The following OSBPL9 variants were observed in gnomAD, a reference collection of about 807,000 sequenced individuals.
OSBPL9 encodes oxysterol-binding protein-related protein 9.
Under a neutral mutation model 106.6 loss-of-function variants are expected in OSBPL9, and 40 were observed. The ratio of observed to expected loss-of-function variants is 0.38; its 90% CI spans 0.29 to 0.49. The LOEUF (loss-of-function observed/expected upper bound fraction) is 0.49. Ranked by LOEUF, OSBPL9 falls within the 20% of genes least tolerant of loss-of-function variation. The pLI is 0.97. For synonymous variants in OSBPL9, 269 were observed against 295.4 expected, an observed-to-expected ratio of 0.91 and a Z score of 0.92; for missense variants, 609 against 887.2, an observed-to-expected ratio of 0.69 and a Z score of 3.98.
In OSBPL9 at chr1:51,675,653, G is replaced by C. The variant is rs1651008524; in HGVS notation, c.241+6141G>C. Reference sequence around the variant, plus strand: ...GATCAGAGAGTTTAGGATGAAAGCTGTTAGCTTCAACCACATGAAATTACT... The same window carrying C: ...GATCAGAGAGTTTAGGATGAAAGCTCTTAGCTTCAACCACATGAAATTACT... On this transcript the variant is annotated intron_variant, in intron 3 of 23. Coordinates refer to ENST00000428468, the MANE Select transcript of OSBPL9 (RefSeq NM_024586.6). Among the ~76,000 whole-genome samples the C allele has an allele frequency of 2.0e-5, 3 of 152,230 alleles. 1 individual carries two copies. In the Middle Eastern group the frequency reaches 0.01, roughly 521 times the overall value.
chr1:51,591,797 C>G lies in OSBPL9; in HGVS notation c.-422-6327C>G, dbSNP rs1362267346. 4.2e-5 allele frequency among the ~76,000 whole-genome samples: 6 copies of G among 142,628 alleles called. No homozygotes were observed. The South Asian group carries it at 1.1e-3, about 26-fold the overall frequency. 93.6% of individuals were successfully genotyped at this position (142,628 alleles called of 152,430 possible). A position where few individuals can be genotyped will look rare whatever the true frequency, so the allele number is the denominator to read the frequency against. ...ACAGAGCAAGACTGAAAGAAAGAGA[C>G]AGAGAGAGAGAGAAAAAAAAGAGAA... On this transcript the variant is annotated intron_variant, in intron 1 of 25. Transcript: ENST00000371714.
At chr1:51,776,168 G>T in intron 14 of OSBPL9, among the ~76,000 whole-genome samples, 1 of 151,172 alleles carries the variant, frequency 6.6e-6, no homozygotes, top group Non-Finnish European at 1.5e-5. Context: ...TCTTCTTTTT[G>T]TTTATTCCTT....
chr1:51,661,228 C>T (rs1647128703), intron 2 of OSBPL9, among the ~76,000 whole-genome samples: 1 of 152,172 alleles, frequency 6.6e-6, no homozygotes, highest in African/African-American at 2.4e-5. Flanking sequence ...ATCTATGTCT[C>T]AGAGGAGTCA....
chr1:51,590,609 G>C, intron 1 of OSBPL9, among the ~76,000 whole-genome samples: 1 of 126,454 alleles, frequency 7.9e-6, no homozygotes, highest in South Asian at 2.5e-4. Context: ...GACAGAGTGA[G>C]ACTCCGTCTC....
intron 9 of OSBPL9, chr1:51,756,654 C>G (rs1670400387): frequency 1.1e-5 from 3 of 280,044 alleles, no homozygotes; most frequent in South Asian, 8.0e-5. Flanking sequence ...ATGCATAACT[C>G]AGTGCCACAT....
In OSBPL9 at chr1:51,592,108, C is replaced by CTTTTTTTT. The variant is rs34379031; in HGVS notation, c.-422-5999_-422-5992dup. On this transcript the variant is annotated intron_variant, in intron 1 of 25. Transcript: ENST00000371714. The stretch of plus-strand genomic sequence containing the variant: ...CCTCAACGATTACTTGTTGCTAAGG[C>CTTTTTTTT]TTTTTTTTTTTTTTTTTTTTTTTTG... 2.3e-4 allele frequency among the ~76,000 whole-genome samples: 18 copies of CTTTTTTTT among 77,002 alleles called. 1 individual carries two copies. In the East Asian group the frequency reaches 2.7e-3, roughly 12 times the overall value. The allele number at this position is 77,002 out of a possible 152,430, so 50.5% of individuals were successfully genotyped here.
the OSBPL9 span, among the ~76,000 whole-genome samples, chr1:51,551,109 C>A: frequency 6.6e-6 from 1 of 152,078 alleles, no homozygotes; most frequent in African/African-American, 2.4e-5. Flanking sequence ...GCAAAGGGAG[C>A]GGGATGGAAA....
At chr1:51,743,998 A>G (rs929759469) in intron 4 of OSBPL9, among the ~76,000 whole-genome samples, 4 of 151,924 alleles carry the variant, frequency 2.6e-5, no homozygotes, top group African/African-American at 9.7e-5. Flanking sequence ...TTGTTTTTGT[A>G]CATGTCATCT....
intron 1 of OSBPL9, among the ~76,000 whole-genome samples, chr1:51,587,896 C>T (rs1294258441): frequency 6.6e-6 from 1 of 152,236 alleles, no homozygotes; most frequent in African/African-American, 2.4e-5. Flanking sequence ...GTCAAATGGT[C>T]TTCCTAACTG....
the OSBPL9 span, chr1:51,567,907 C>T: frequency 6.6e-6 from 1 of 152,208 alleles, no homozygotes; most frequent in Non-Finnish European, 1.5e-5. Context: ...GGTCTAAGGC[C>T]AAGACCCAAG....
At chr1:51,535,878 T>C in the OSBPL9 span, among the ~76,000 whole-genome samples, 1 of 152,150 alleles carries the variant, frequency 6.6e-6, no homozygotes, top group East Asian at 1.9e-4. Context: ...TACACTTTAT[T>C]TTTTAACTTT....
chr1:51,643,349 A>G (rs535556888), intron 1 of OSBPL9, among the ~76,000 whole-genome samples: 2 of 152,248 alleles, frequency 1.3e-5, no homozygotes, highest in African/African-American at 2.4e-5. Context: ...AGGGTTGGCT[A>G]TCTGCTCTAG....
chr1:51,783,796 T>A, intron 17 of OSBPL9, 119 bp from the exon 18 acceptor site: 1 of 714,340 alleles, frequency 1.4e-6, no homozygotes, highest in East Asian at 2.7e-5. Flanking sequence ...CTGGCGTAAT[T>A]GGAGGCTGTT....
At chr1:51,716,350 T>C (rs1399519352) in intron 4 of OSBPL9, among the ~76,000 whole-genome samples, 1 of 152,242 alleles carries the variant, frequency 6.6e-6, no homozygotes, top group Non-Finnish European at 1.5e-5. Flanking sequence ...CACTTACATT[T>C]AACCATTAAC....
At chr1:51,722,669 G>C (rs934271989) in intron 4 of OSBPL9, among the ~76,000 whole-genome samples, 1 of 152,204 alleles carries the variant, frequency 6.6e-6, no homozygotes, top group Middle Eastern at 3.2e-3. Flanking sequence ...ATTTCTTTCT[G>C]TTGGATAATG....
intron 3 of OSBPL9, among the ~76,000 whole-genome samples, chr1:51,688,277 A>G (rs1049601177): frequency 2.0e-5 from 3 of 152,210 alleles, no homozygotes; most frequent in African/African-American, 7.2e-5. Flanking sequence ...CTAGCTTTAT[A>G]TATAGAAACT....
At chr1:51,786,047 G>A (rs1476782206) in intron 21 of OSBPL9, 161 bp downstream of exon 21, 9 of 625,336 alleles carry the variant, frequency 1.4e-5, no homozygotes, top group Non-Finnish European at 2.5e-5. Flanking sequence ...ATCTCTTCAG[G>A]GCAAGCTTTT....
the OSBPL9 span, chr1:51,567,391 C>G: frequency 6.6e-6 from 1 of 152,198 alleles, no homozygotes; most frequent in Non-Finnish European, 1.5e-5. Flanking sequence ...TGAAATCCAC[C>G]TACTATCCTC....
chr1:51,580,145 T>C (rs1645212797), intron 1 of OSBPL9, among the ~76,000 whole-genome samples: 1 of 152,208 alleles, frequency 6.6e-6, no homozygotes, highest in African/African-American at 2.4e-5. Context: ...TACCTGTATG[T>C]CTGCCACACA....
Sources: gnomAD v4.1 joint callset for allele counts (sites outside exome capture counted in the v4.1 genomes callset) on GRCh38, gnomAD v4.1.1 for gene constraint, MANE v1.5 for transcripts, NCBI Gene and HGNC (gene_info 2026-07-23, HGNC 2026-07-21) for gene names.